Variants in DTNBP1 observed in about 807,000 individuals in gnomAD.
The protein encoded by DTNBP1 is dystrobrevin binding protein 1.
DTNBP1 carries 35 observed loss-of-function variants against 42.8 expected under a neutral mutation model. That is an observed-to-expected ratio of 0.82 (90% CI 0.63 to 1.09). The LOEUF is 1.09. Among genes scored for constraint, DTNBP1 ranks in the 50% least tolerant of loss-of-function variants. The probability of loss-of-function intolerance (pLI) is 0.00; values close to 1 mark genes in which losing one functional copy is unlikely to be tolerated. For missense variants in DTNBP1, 457 were observed against 424.2 expected (o/e 1.08, Z -0.68); for synonymous variants, 171 against 162.2 (o/e 1.05, Z -0.41).
chr6:15,623,854 C>A (rs1332194492), intron 5 of DTNBP1, among the ~76,000 whole-genome samples: 2 of 152,206 alleles, frequency 1.3e-5, no homozygotes, highest in African/African-American at 4.8e-5. Flanking sequence ...TGTATGCTTA[C>A]ACACCTTCAA....
At position 15,652,106 on chromosome 6, in the gene DTNBP1, T is replaced by C. The variant is rs1562014784; in HGVS notation, c.91A>G (p.Lys31Glu). ...KTLSDKSREA[K>E]VKSKPRTVPF... ...GCTTACCTGGGTTTGCTTTTCACTT[T>C]TGCTTCTCTTGACTTGTCACTTAAA... is the stretch of plus-strand genomic sequence containing the variant. Residue 31 changes from lysine to glutamate, a missense_variant, in exon 2 of 10, where the codon AAA (lysine) becomes GAA (glutamate). Lys to Glu is a moderately conservative substitution (Grantham distance 56). Coordinates refer to ENST00000344537, the MANE Select transcript of DTNBP1 (RefSeq NM_032122.5). 1 of 1,613,096 alleles carries C rather than the reference T, an allele frequency of 6.2e-7. No homozygotes were observed. Among genetic ancestry groups the C allele is most frequent in the Non-Finnish European group, 8.5e-7 (1 of 1,179,368 alleles).
chr6:15,600,234 T>C (rs1014639882), intron 6 of DTNBP1, among the ~76,000 whole-genome samples: 4 of 152,158 alleles, frequency 2.6e-5, no homozygotes, highest in Non-Finnish European at 5.9e-5. Context: ...GGAGGCAGTT[T>C]ACTATCAAAG....
At position 15,533,094 on chromosome 6, in the gene DTNBP1, C is replaced by T. The variant is rs771377096; in HGVS notation, c.667+146G>A. 2.8e-5 allele frequency: 35 copies of T among 1,244,244 alleles called. No individual in the cohort carries two copies. The East Asian group carries it at 5.1e-4, about 18-fold the overall frequency. 77.1% of individuals were successfully genotyped at this position (1,244,244 alleles called of 1,614,324 possible). ...AAAGCAGGGCAAGAGAGAGGTGGCC[C>T]GACGCACACATTTTGGTTGCTGGGG... is the stretch of plus-strand genomic sequence containing the variant. On this transcript the variant is annotated intron_variant, in intron 8 of 9. Coordinates refer to ENST00000344537, the MANE Select transcript of DTNBP1 (RefSeq NM_032122.5).
intron 3 of DTNBP1, among the ~76,000 whole-genome samples, chr6:15,644,509 T>G (rs562643209): frequency 2.6e-5 from 4 of 152,260 alleles, no homozygotes; most frequent in Admixed American, 1.3e-4. Flanking sequence ...GAACAGTCTC[T>G]AAAATTGACC....
At chr6:15,623,170 C>T (rs919064518) in intron 5 of DTNBP1, among the ~76,000 whole-genome samples, 1 of 152,156 alleles carries the variant, frequency 6.6e-6, no homozygotes, top group Non-Finnish European at 1.5e-5. Flanking sequence ...TAATGTGCCT[C>T]TTGAAGGGTC....
Position 15,522,852 on chromosome 6 carries a change from A to T in DTNBP1, c.*123T>A. ...TTGTTAGCTGTTCTTTAAGTTTCTC[A>T]CACATTATTGGCAATTATGTAAAAA... On this transcript the variant is annotated 3_prime_UTR_variant, in exon 10 of 10. Transcript: ENST00000344537. The T allele has an allele frequency of 6.5e-7, 1 of 1,527,872 alleles. No homozygotes were observed. The highest frequency in any genetic ancestry group is 9.0e-7 in the Non-Finnish European group (1 of 1,110,452). 94.6% of individuals were successfully genotyped at this position (1,527,872 alleles called of 1,614,324 possible). A position where few individuals can be genotyped will look rare whatever the true frequency, so the allele number is the denominator to read the frequency against.
intron 6 of DTNBP1, among the ~76,000 whole-genome samples, chr6:15,601,747 G>A (rs1776737354): frequency 6.6e-6 from 1 of 151,770 alleles, no homozygotes; most frequent in African/African-American, 2.4e-5. Flanking sequence ...TCAGGAGGCT[G>A]AGGCAGGAGA....
At chr6:15,532,967 G>A (rs943173249) in intron 8 of DTNBP1, among the ~76,000 whole-genome samples, 3 of 151,996 alleles carry the variant, frequency 2.0e-5, no homozygotes, top group African/African-American at 7.2e-5. Context: ...CCAAAGTGCT[G>A]GGATTACAGG....
At chr6:15,564,890 G>T (rs565991039) in intron 7 of DTNBP1, among the ~76,000 whole-genome samples, 156 of 152,214 alleles carry the variant, frequency 1.0e-3, no homozygotes, top group African/African-American at 3.5e-3. Context: ...CATGATGGGC[G>T]GCTCTCTTGA....
At chr6:15,586,885 C>A (rs1776100728) in intron 7 of DTNBP1, among the ~76,000 whole-genome samples, 1 of 152,214 alleles carries the variant, frequency 6.6e-6, no homozygotes, top group Non-Finnish European at 1.5e-5. Flanking sequence ...CTCCTTATCA[C>A]ATTTTCCTCT....
At chr6:15,568,995 C>A (rs1775219318) in intron 7 of DTNBP1, among the ~76,000 whole-genome samples, 2 of 152,112 alleles carry the variant, frequency 1.3e-5, no homozygotes, top group African/African-American at 2.4e-5. Flanking sequence ...TACTTTTTTC[C>A]CCTTACAAAG....
chr6:15,655,592 TAAAAACAAAGTA>T (rs1384661928), intron 1 of DTNBP1, among the ~76,000 whole-genome samples: 3 of 101,816 alleles, frequency 2.9e-5, no homozygotes, highest in Admixed American at 9.2e-5. Flanking sequence ...TGCTAAAAAA[TAAAAACAAAGTA>T]AAAAACAAAG....
intron 9 of DTNBP1, chr6:15,524,071 A>G: frequency 7.6e-7 from 1 of 1,309,464 alleles, no homozygotes. Context: ...AGTGCAACTA[A>G]GTTTACAACA....
chr6:15,651,211 A>T, intron 3 of DTNBP1, 102 bp downstream of exon 3: 2 of 1,054,050 alleles, frequency 1.9e-6, no homozygotes, highest in South Asian at 2.7e-5. Flanking sequence ...CATTAAGATA[A>T]AATTTAGCTG....
chr6:15,590,914 G>T (rs1306975326), intron 7 of DTNBP1, among the ~76,000 whole-genome samples: 1 of 152,110 alleles, frequency 6.6e-6, no homozygotes, highest in African/African-American at 2.4e-5. Flanking sequence ...ATTTAGAAAA[G>T]AGCTTCTAAA....
chr6:15,533,455 A>G, intron 7 of DTNBP1, 60 bp from the exon 8 acceptor site: 1 of 1,613,468 alleles, frequency 6.2e-7, no homozygotes, highest in Non-Finnish European at 8.5e-7. Context: ...GGAAATGGGT[A>G]TAAACAGCTG....
At chr6:15,570,190 A>G (rs1472955408) in intron 7 of DTNBP1, among the ~76,000 whole-genome samples, 1 of 151,960 alleles carries the variant, frequency 6.6e-6, no homozygotes, top group African/African-American at 2.4e-5. Flanking sequence ...AAAAAAGACC[A>G]TTTACCCACA....
chr6:15,562,702 T>C (rs1052271008), intron 7 of DTNBP1, among the ~76,000 whole-genome samples: 1 of 152,160 alleles, frequency 6.6e-6, no homozygotes, highest in Non-Finnish European at 1.5e-5. Context: ...GAAACTAGCA[T>C]AATCACCCTT....
intron 5 of DTNBP1, among the ~76,000 whole-genome samples, chr6:15,627,073 T>G (rs1324326233): frequency 6.6e-6 from 1 of 152,148 alleles, no homozygotes; most frequent in Non-Finnish European, 1.5e-5. Flanking sequence ...AGACCAAATG[T>G]CAACAAAGAC....
Sources: allele counts gnomAD v4.1 joint callset (sites outside exome capture counted in the v4.1 genomes callset), GRCh38; gene constraint gnomAD v4.1.1; transcripts MANE v1.5; gene names NCBI Gene and HGNC (gene_info 2026-07-23, HGNC 2026-07-21).